The following AFF1 variants were observed in gnomAD, a reference collection of about 807,000 sequenced individuals.
AFF1 encodes AF4/FMR2 family member 1.
Under a neutral mutation model 121.7 loss-of-function variants are expected in AFF1, and 48 were observed. The ratio of observed to expected loss-of-function variants is 0.39; its 90% confidence interval spans 0.31 to 0.50. The LOEUF is 0.50. Ranked by LOEUF, AFF1 falls within the 20% of genes least tolerant of loss-of-function variation. The pLI, the probability that AFF1 is intolerant of heterozygous loss-of-function variation, is 0.76. For synonymous variants in AFF1, 613 were observed against 563.0 expected, an observed-to-expected ratio of 1.09 and a Z score of -1.26; for missense variants, 1,523 against 1,511.7, an observed-to-expected ratio of 1.01 and a Z score of -0.12.
At chr4:86,968,178 G>A (rs759597705) in intron 2 of AFF1, among the ~76,000 whole-genome samples, 3 of 152,102 alleles carry the variant, frequency 2.0e-5, no homozygotes, top group Admixed American at 6.6e-5. Flanking sequence ...TTACCCTCAG[G>A]CAGTAATGGT....
intron 2 of AFF1, among the ~76,000 whole-genome samples, chr4:87,031,785 T>C (rs935717137): frequency 6.6e-6 from 1 of 152,244 alleles, no homozygotes; most frequent in African/African-American, 2.4e-5. Flanking sequence ...GATATATTAG[T>C]GTCTGCTTTT....
At chr4:87,007,512 G>C in intron 2 of AFF1, 4 of 1,557,344 alleles carry the variant, frequency 2.6e-6, no homozygotes, top group Non-Finnish European at 3.5e-6. Flanking sequence ...CGGGGAAGGA[G>C]ACGGACAGGA....
At chr4:86,937,253 C>T (rs148875648) in intron 1 of AFF1, among the ~76,000 whole-genome samples, 2,236 of 152,284 alleles carry the variant, frequency 0.015, 32 homozygotes, top group Non-Finnish European at 0.023. Flanking sequence ...TGAAGAATCA[C>T]AGTGTGTTAA....
intron 2 of AFF1, among the ~76,000 whole-genome samples, chr4:87,032,492 A>G (rs1001444251): frequency 6.6e-6 from 1 of 152,234 alleles, no homozygotes; most frequent in Non-Finnish European, 1.5e-5. Context: ...TGTATGGACA[A>G]CTTATTCCTC....
rs77189246 is a variant in AFF1, at chr4:86,949,147, G to T, written c.38+576G>T. Among the ~76,000 whole-genome samples the T allele has an allele frequency of 2.7e-3, 403 of 149,766 alleles. 20 individuals carry two copies. In the East Asian group the frequency reaches 0.073, roughly 27 times the overall value. ...TATCACTGATTAGTTTTTATTTAAA[G>T]TATTAGCTATTCAAAAATATATATA... On this transcript the variant is annotated intron_variant, in intron 2 of 20. Coordinates refer to ENST00000395146, the MANE Select transcript of AFF1 (RefSeq NM_001166693.3).
rs1174268156 is a variant in AFF1, at chr4:87,136,344, AATCTCCCC to A, written c.*646_*653del. The A allele has an allele frequency of 4.3e-5, 10 of 232,202 alleles. No homozygotes were observed. The East Asian group carries it at 6.1e-4, about 14-fold the overall frequency. 14.4% of individuals were successfully genotyped at this position (232,202 alleles called of 1,614,324 possible). Reference sequence around the variant, plus strand: ...GGCAACCCCCGCTCCTGCCGCCCCCAATCTCCCCATTGCCTAGAGCGCTGCACATTGAC... The same window carrying A: ...GGCAACCCCCGCTCCTGCCGCCCCCAATTGCCTAGAGCGCTGCACATTGAC... On this transcript the variant is annotated 3_prime_UTR_variant, in exon 21 of 21. Transcript: ENST00000395146.
intron 1 of AFF1, among the ~76,000 whole-genome samples, chr4:86,939,665 C>T (rs1720310251): frequency 6.6e-6 from 1 of 152,192 alleles, no homozygotes; most frequent in Non-Finnish European, 1.5e-5. Flanking sequence ...GAGCATATCC[C>T]TATGTAAGTC....
chr4:86,983,856 T>C (rs1002895723), intron 2 of AFF1, among the ~76,000 whole-genome samples: 10 of 151,792 alleles, frequency 6.6e-5, no homozygotes, highest in African/African-American at 7.3e-5. Context: ...GCCAACACGG[T>C]GAAACCCCGT....
chr4:87,079,486 C>T (rs960635804), intron 4 of AFF1, among the ~76,000 whole-genome samples: 2 of 152,176 alleles, frequency 1.3e-5, no homozygotes, highest in Non-Finnish European at 2.9e-5. Context: ...CAAAATGCTT[C>T]TTTGTAGAAG....
At chr4:87,101,123 T>C (rs1211050184) in intron 8 of AFF1, among the ~76,000 whole-genome samples, 1 of 152,224 alleles carries the variant, frequency 6.6e-6, no homozygotes, top group Non-Finnish European at 1.5e-5. Context: ...TCCTATTATA[T>C]GTTGTGTCAC....
intron 12 of AFF1, among the ~76,000 whole-genome samples, chr4:87,121,237 A>G (rs1727654262): frequency 6.6e-6 from 1 of 152,024 alleles, no homozygotes; most frequent in Admixed American, 6.6e-5. Context: ...GGGCAAAGGG[A>G]CTCCTTTTTC....
chr4:87,127,211 A>T, intron 15 of AFF1, 94 bp downstream of exon 15: 2 of 1,075,134 alleles, frequency 1.9e-6, no homozygotes, highest in South Asian at 1.3e-5. Flanking sequence ...CCCAGGCTGG[A>T]GTGTAGTGGC....
At chr4:87,099,046 A>G (rs557869887) in intron 8 of AFF1, among the ~76,000 whole-genome samples, 1 of 152,364 alleles carries the variant, frequency 6.6e-6, no homozygotes, top group Admixed American at 6.5e-5. Flanking sequence ...ATGTTCTAGA[A>G]TTAAGTCCAA....
intron 7 of AFF1, among the ~76,000 whole-genome samples, chr4:87,093,604 A>G (rs572766758): frequency 6.6e-6 from 1 of 152,276 alleles, no homozygotes; most frequent in Non-Finnish European, 1.5e-5. Context: ...AGGCAAGATG[A>G]TCGTGTGGAG....
chr4:87,036,735 T>G (rs1397871354), intron 2 of AFF1: 1 of 487,294 alleles, frequency 2.1e-6, no homozygotes, highest in African/African-American at 2.0e-5. Flanking sequence ...TTATATTAAC[T>G]ACCCCAGTTA....
chr4:86,958,715 C>CA (rs1374945727), intron 2 of AFF1, among the ~76,000 whole-genome samples: 3 of 151,690 alleles, frequency 2.0e-5, no homozygotes, highest in African/African-American at 7.3e-5. Context: ...AAGACTCTCT[C>CA]AAAAAAATAA....
At chr4:87,104,595 A>G (rs1195958954) in intron 8 of AFF1, among the ~76,000 whole-genome samples, 1 of 152,178 alleles carries the variant, frequency 6.6e-6, no homozygotes, top group Admixed American at 6.5e-5. Flanking sequence ...CATTTTCATT[A>G]GAAAACATAG....
chr4:87,078,417 C>CT lies in AFF1; in HGVS notation c.1060-5702dup, dbSNP rs532651710. Among the ~76,000 whole-genome samples the CT allele has an allele frequency of 2.7e-3, 416 of 152,238 alleles. 2 individuals are homozygous for CT. Among genetic ancestry groups the CT allele is most frequent in the Non-Finnish European group, 3.9e-3 (268 of 68,016 alleles). ...GGGTTGCCTCTGTGTGGCTGGCACC[C>CT]TGTGATTCAGTGAGGGTTCTGGCCC... On this transcript the variant is annotated intron_variant, in intron 4 of 20. Coordinates refer to ENST00000395146, the MANE Select transcript of AFF1 (RefSeq NM_001166693.3).
intron 2 of AFF1, among the ~76,000 whole-genome samples, chr4:86,999,641 G>A (rs1445034158): frequency 6.6e-6 from 1 of 152,164 alleles, no homozygotes; most frequent in Non-Finnish European, 1.5e-5. Context: ...TGATGATATT[G>A]TACAAGACAG....
Sources: allele counts gnomAD v4.1 joint callset (sites outside exome capture counted in the v4.1 genomes callset), GRCh38; gene constraint gnomAD v4.1.1; transcripts MANE v1.5; gene names NCBI Gene and HGNC (gene_info 2026-07-23, HGNC 2026-07-21).